KATNAL1: variants seen among roughly 807,000 people sequenced by gnomAD.
The protein encoded by KATNAL1 is katanin catalytic subunit A1 like 1.
Under a neutral mutation model 55.2 loss-of-function variants are expected in KATNAL1, and 32 were observed. The observed-to-expected ratio is 0.58, with a 90% confidence interval of 0.44 to 0.78. KATNAL1 has a LOEUF of 0.78. KATNAL1 is among the 30% of genes least tolerant of loss of function. The probability of loss-of-function intolerance (pLI) is 0.00; values close to 1 mark genes in which losing one functional copy is unlikely to be tolerated. For missense variants in KATNAL1, 466 were observed against 600.9 expected (o/e 0.78, Z 2.35); for synonymous variants, 193 against 193.6 (o/e 1.00, Z 0.02).
At chr13:30,234,587 C>T (rs917435104) in intron 6 of KATNAL1, among the ~76,000 whole-genome samples, 20 of 152,264 alleles carry the variant, frequency 1.3e-4, no homozygotes, top group Admixed American at 9.8e-4. Flanking sequence ...CAATTCTAAA[C>T]CTTTCCCTTT....
intron 3 of KATNAL1, among the ~76,000 whole-genome samples, chr13:30,275,108 AC>A (rs1468077640): frequency 6.6e-6 from 1 of 152,148 alleles, no homozygotes; most frequent in Non-Finnish European, 1.5e-5. Flanking sequence ...ATACAGAAAT[AC>A]CTGAGGATGG....
Position 30,249,695 on chromosome 13 carries a change from G to A in KATNAL1, c.492+5752C>T, listed in dbSNP as rs188989096. ...AATTAATTTATGGCATTAGAAATCA[G>A]AACAGTGGTTACCTTTGGGAAAGAG... On this transcript the variant is annotated intron_variant, in intron 4 of 10. Transcript: ENST00000380615. 9.8e-3 allele frequency among the ~76,000 whole-genome samples: 1,499 copies of A among 152,266 alleles called. 23 individuals are homozygous for A. Among genetic ancestry groups the A allele is most frequent in the African/African-American group, 0.034 (1,403 of 41,542 alleles).
chr13:30,242,919 T>C (rs569987976), intron 4 of KATNAL1, among the ~76,000 whole-genome samples: 1 of 152,262 alleles, frequency 6.6e-6, no homozygotes, highest in African/African-American at 2.4e-5. Flanking sequence ...GTGACAGTTA[T>C]TCTTCATAAA....
intron 9 of KATNAL1, among the ~76,000 whole-genome samples, chr13:30,223,315 G>A (rs1291765193): frequency 2.7e-5 from 4 of 150,820 alleles, no homozygotes; most frequent in Non-Finnish European, 4.4e-5. Flanking sequence ...GGTGGCAGGC[G>A]CCTGTGGTCC....
At chr13:30,303,810 A>G (rs1883012329) in intron 1 of KATNAL1, among the ~76,000 whole-genome samples, 1 of 152,214 alleles carries the variant, frequency 6.6e-6, no homozygotes, top group African/African-American at 2.4e-5. Context: ...TTATAGCATT[A>G]ACGGAAGCTT....
intron 3 of KATNAL1, among the ~76,000 whole-genome samples, chr13:30,271,468 AG>A (rs1358858099): frequency 4.6e-5 from 7 of 152,118 alleles, no homozygotes; most frequent in African/African-American, 1.7e-4. Flanking sequence ...GTGAAGGGGA[AG>A]AAGACACATC....
intron 1 of KATNAL1, among the ~76,000 whole-genome samples, chr13:30,306,167 G>C (rs568642464): frequency 1.3e-5 from 2 of 152,222 alleles, no homozygotes; most frequent in African/African-American, 2.4e-5. Context: ...TTAAAGGGTC[G>C]TCAAGGAAGG....
At chr13:30,255,969 C>G (rs996242882) in intron 3 of KATNAL1, among the ~76,000 whole-genome samples, 2 of 152,172 alleles carry the variant, frequency 1.3e-5, no homozygotes, top group African/African-American at 4.8e-5. Flanking sequence ...CTGTCCTAAA[C>G]CAAGAATAAG....
At chr13:30,242,631 T>C (rs958912520) in intron 4 of KATNAL1, among the ~76,000 whole-genome samples, 3 of 152,074 alleles carry the variant, frequency 2.0e-5, no homozygotes, top group Admixed American at 1.3e-4. Context: ...AGAGGTGAGT[T>C]TGGATTTCTT....
intron 9 of KATNAL1, among the ~76,000 whole-genome samples, chr13:30,226,156 A>C (rs169332): frequency 0.53 from 80,951 of 151,974 alleles, 21,741 homozygotes; most frequent in Admixed American, 0.59. Flanking sequence ...GAAGTATTTG[A>C]ATTCTCATTT....
intron 3 of KATNAL1, among the ~76,000 whole-genome samples, chr13:30,274,895 GCGCGCGCGCGCGC>G (rs1370358894): frequency 5.1e-5 from 5 of 98,122 alleles, no homozygotes; most frequent in African/African-American, 2.4e-4. Flanking sequence ...ACACATACGC[GCGCGCGCGCGCGC>G]ACACACACAC....
At chr13:30,210,043 A>G (rs915051593) in intron 10 of KATNAL1, among the ~76,000 whole-genome samples, 8 of 152,174 alleles carry the variant, frequency 5.3e-5, no homozygotes, top group Non-Finnish European at 7.4e-5. Flanking sequence ...CGGCCTCCCA[A>G]AGTGCTGGGA....
At chr13:30,243,535 A>C (rs1420868133) in intron 4 of KATNAL1, among the ~76,000 whole-genome samples, 1 of 151,802 alleles carries the variant, frequency 6.6e-6, no homozygotes, top group Non-Finnish European at 1.5e-5. Context: ...GACCAAGGAA[A>C]CTAGAGACAT....
At chr13:30,252,746 C>CTTT (rs1159261874) in intron 4 of KATNAL1, among the ~76,000 whole-genome samples, 2 of 143,902 alleles carry the variant, frequency 1.4e-5, no homozygotes. Context: ...ATTTTCCTTT[C>CTTT]TTTTTTTTTT....
At chr13:30,209,625 A>G (rs1046317445) in intron 10 of KATNAL1, among the ~76,000 whole-genome samples, 1 of 152,254 alleles carries the variant, frequency 6.6e-6, no homozygotes, top group Non-Finnish European at 1.5e-5. Flanking sequence ...TATCTTCCCC[A>G]GCTTACGCTG....
intron 4 of KATNAL1, among the ~76,000 whole-genome samples, chr13:30,252,298 G>A (rs1249505789): frequency 6.6e-6 from 1 of 152,170 alleles, no homozygotes; most frequent in African/African-American, 2.4e-5. Flanking sequence ...GGATAAGTGC[G>A]CTCAAGGAAG....
Position 30,206,315 on chromosome 13 carries a change from A to C in KATNAL1, c.*2225T>G, listed in dbSNP as rs1465247587. Reference sequence around the variant, plus strand: ...AAATAAATAAAATAAAATAAAATAAAAGTTAAATAGAACACCTGAGGGATG... The same window carrying C: ...AAATAAATAAAATAAAATAAAATAACAGTTAAATAGAACACCTGAGGGATG... On this transcript the variant is annotated 3_prime_UTR_variant, in exon 11 of 11. Coordinates refer to ENST00000380615, the MANE Select transcript of KATNAL1 (RefSeq NM_032116.5). 3 of 151,892 alleles carry C rather than the reference A, an allele frequency of 2.0e-5. No homozygotes were observed. Among genetic ancestry groups the C allele is most frequent in the African/African-American group, 4.8e-5 (2 of 41,356 alleles). 9.4% of individuals were successfully genotyped at this position (151,892 alleles called of 1,614,324 possible). A position where few individuals can be genotyped will look rare whatever the true frequency, so the allele number is the denominator to read the frequency against.
In KATNAL1 at chr13:30,212,228, C is replaced by G. The variant is rs541547196; in HGVS notation, c.1148-1786G>C. 9.9e-5 allele frequency among the ~76,000 whole-genome samples: 15 copies of G among 152,278 alleles called. No homozygotes were observed. The South Asian group carries it at 3.1e-3, about 32-fold the overall frequency. ...ATTAAAATGAGGAACTTCTATTCAT[C>G]AAAAGATACTGTCGACACAGTGAAA... On this transcript the variant is annotated intron_variant, in intron 9 of 10. Transcript: ENST00000380615.
At chr13:30,299,845 T>C (rs1248600649) in intron 1 of KATNAL1, among the ~76,000 whole-genome samples, 2 of 152,186 alleles carry the variant, frequency 1.3e-5, no homozygotes, top group African/African-American at 2.4e-5. Context: ...CAAGAAGGAA[T>C]ACTGCTTTAT....
Sources: allele counts gnomAD v4.1 joint callset (sites outside exome capture counted in the v4.1 genomes callset), GRCh38; gene constraint gnomAD v4.1.1; transcripts MANE v1.5; gene names NCBI Gene and HGNC (gene_info 2026-07-23, HGNC 2026-07-21).